SUGCT: variants seen among roughly 807,000 people sequenced by gnomAD.
SUGCT encodes succinyl-CoA:glutarate-CoA transferase.
SUGCT carries 41 observed loss-of-function variants against 55.0 expected under a neutral mutation model. The observed-to-expected ratio is 0.74, with a 90% confidence interval of 0.58 to 0.97. The LOEUF is 0.97. Ranked by LOEUF, SUGCT falls within the 50% of genes least tolerant of loss-of-function variation. The probability of loss-of-function intolerance (pLI) is 0.00; values close to 1 mark genes in which losing one functional copy is unlikely to be tolerated. For missense variants in SUGCT, 568 were observed against 547.8 expected, an observed-to-expected ratio of 1.04 and a Z score of -0.37; for synonymous variants, 187 against 200.4, an observed-to-expected ratio of 0.93 and a Z score of 0.56.
At chr7:40,316,414 A>C (rs1356895030) in intron 8 of SUGCT, among the ~76,000 whole-genome samples, 1 of 152,200 alleles carries the variant, frequency 6.6e-6, no homozygotes, top group African/African-American at 2.4e-5. Flanking sequence ...AGAGGGGAAA[A>C]AAATGCACGA....
intron 1 of SUGCT, among the ~76,000 whole-genome samples, chr7:40,177,792 C>G (rs1784998970): frequency 6.6e-6 from 1 of 152,046 alleles, no homozygotes; most frequent in Non-Finnish European, 1.5e-5. Flanking sequence ...CTGTGTTGCC[C>G]AGGCTGGAGT....
At chr7:41,019,285 A>T in the SUGCT span, among the ~76,000 whole-genome samples, 1 of 152,172 alleles carries the variant, frequency 6.6e-6, no homozygotes. Context: ...TTAGCTATGA[A>T]TTGCCAGATG....
chr7:40,602,118 T>C (rs1798321907), intron 12 of SUGCT, among the ~76,000 whole-genome samples: 1 of 152,202 alleles, frequency 6.6e-6, no homozygotes, highest in Non-Finnish European at 1.5e-5. Context: ...ATTTGTTTCC[T>C]CTCTCAATTG....
At chr7:40,152,486 C>G (rs1788624267) in intron 1 of SUGCT, 1 of 207,538 alleles carries the variant, frequency 4.8e-6, no homozygotes, top group South Asian at 1.0e-4. Context: ...ATTGGGGTCA[C>G]CATACAATCA....
chr7:40,156,876 C>T (rs576646797), intron 1 of SUGCT, among the ~76,000 whole-genome samples: 8 of 152,008 alleles, frequency 5.3e-5, no homozygotes, highest in East Asian at 3.9e-4. Context: ...ATTAGCCGGG[C>T]GTGTTGGCAC....
At chr7:40,541,575 A>G (rs1045109048) in intron 12 of SUGCT, among the ~76,000 whole-genome samples, 1 of 152,234 alleles carries the variant, frequency 6.6e-6, no homozygotes, top group African/African-American at 2.4e-5. Flanking sequence ...AAAAACCAGC[A>G]TGGTGCAATC....
Position 40,500,567 on chromosome 7 carries a change from A to G in SUGCT, c.1089+4181A>G, listed in dbSNP as rs1792222883. ...CTTCCTGTCCCAGAAGGCCATTACA[A>G]CCCCTTTAGCAAATCTTTTGTATGG... On this transcript the variant is annotated intron_variant, in intron 12 of 13. Coordinates refer to ENST00000335693, the MANE Select transcript of SUGCT (RefSeq NM_001193313.2). Among the ~76,000 whole-genome samples, 3 of 152,184 alleles carry G rather than the reference A, an allele frequency of 2.0e-5. No homozygotes were observed. The South Asian group carries it at 6.2e-4, about 32-fold the overall frequency.
intron 9 of SUGCT, among the ~76,000 whole-genome samples, chr7:40,325,895 C>T (rs942215313): frequency 3.7e-5 from 4 of 108,056 alleles, no homozygotes; most frequent in East Asian, 3.5e-4. Context: ...CATGGATGTG[C>T]GTCTTTTTTT....
intron 8 of SUGCT, among the ~76,000 whole-genome samples, chr7:40,313,496 G>C (rs1304368252): frequency 6.6e-6 from 1 of 151,970 alleles, no homozygotes; most frequent in Admixed American, 6.6e-5. Context: ...TTTCAGATTG[G>C]TAATACCCCC....
intron 9 of SUGCT, among the ~76,000 whole-genome samples, chr7:40,344,829 A>G (rs1255286513): frequency 6.6e-6 from 1 of 152,026 alleles, no homozygotes; most frequent in African/African-American, 2.4e-5. Flanking sequence ...CTAGCATTTG[A>G]TTGATTGTAT....
chr7:40,455,094 G>T (rs573638216), intron 10 of SUGCT, among the ~76,000 whole-genome samples: 5 of 152,208 alleles, frequency 3.3e-5, no homozygotes, highest in African/African-American at 1.2e-4. Context: ...AATGGGGAGA[G>T]TAAAGGGACT....
intron 12 of SUGCT, among the ~76,000 whole-genome samples, chr7:40,587,771 C>G (rs1797470236): frequency 6.6e-6 from 1 of 152,062 alleles, no homozygotes; most frequent in Non-Finnish European, 1.5e-5. Context: ...TTTTTCAATA[C>G]ATAATGGAAT....
chr7:40,310,930 T>C (rs1795113202), intron 8 of SUGCT, among the ~76,000 whole-genome samples: 1 of 152,244 alleles, frequency 6.6e-6, no homozygotes, highest in African/African-American at 2.4e-5. Flanking sequence ...CTTATCTCTC[T>C]TTCCCCTTAG....
At chr7:40,863,319 T>C (rs1265750272), downstream of SUGCT, among the ~76,000 whole-genome samples, 1 of 152,196 alleles carries the variant, frequency 6.6e-6, no homozygotes, top group African/African-American at 2.4e-5. Context: ...GCATGAAGAC[T>C]TCACAACTCC....
intron 12 of SUGCT, among the ~76,000 whole-genome samples, chr7:40,587,711 AAAATAGCTACCATATG>A (rs1797467537): frequency 6.6e-6 from 1 of 152,162 alleles, no homozygotes. Flanking sequence ...TGTTTAAATG[AAAATAGCTACCATATG>A]AAATCATCAA....
chr7:40,991,782 A>T, the SUGCT span, among the ~76,000 whole-genome samples: 1 of 152,164 alleles, frequency 6.6e-6, no homozygotes, highest in African/African-American at 2.4e-5. Context: ...GCATGAAACA[A>T]CTTGGGCCAA....
At chr7:40,306,178 C>A (rs775082746) in intron 8 of SUGCT, among the ~76,000 whole-genome samples, 3 of 152,142 alleles carry the variant, frequency 2.0e-5, no homozygotes, top group Non-Finnish European at 2.9e-5. Flanking sequence ...TAAGAATCAT[C>A]TGTGATCTCC....
chr7:40,614,989 G>A (rs1798929168), intron 12 of SUGCT, among the ~76,000 whole-genome samples: 1 of 151,560 alleles, frequency 6.6e-6, no homozygotes, highest in Admixed American at 6.6e-5. Context: ...TTGGGAGGCG[G>A]AGGTTGCAGT....
At chr7:40,291,928 G>A (rs1379465493) in intron 8 of SUGCT, among the ~76,000 whole-genome samples, 1 of 152,176 alleles carries the variant, frequency 6.6e-6, no homozygotes, top group Non-Finnish European at 1.5e-5. Context: ...TCTCACTTGA[G>A]AGCCTCCAGA....
Sources: gnomAD v4.1 joint callset for allele counts (sites outside exome capture counted in the v4.1 genomes callset) on GRCh38, gnomAD v4.1.1 for gene constraint, MANE v1.5 for transcripts, NCBI Gene and HGNC (gene_info 2026-07-23, HGNC 2026-07-21) for gene names.